The following SRCIN1 variants were observed in gnomAD, a reference collection of about 807,000 sequenced individuals.
SRCIN1 encodes SRC kinase signaling inhibitor 1, also known as P130Cas-associated protein.
SRCIN1 carries 50 observed loss-of-function variants against 116.2 expected under a neutral mutation model. The ratio of observed to expected loss-of-function variants is 0.43; its 90% CI spans 0.34 to 0.54. The LOEUF is 0.54. Among genes scored for constraint, SRCIN1 ranks in the 20% least tolerant of loss-of-function variants. SRCIN1 has a pLI of 0.02. For synonymous variants in SRCIN1, 736 were observed against 750.0 expected (o/e 0.98, Z 0.30); for missense variants, 1,446 against 1,672.0 (o/e 0.86, Z 2.36).
rs1430997338 is a variant in SRCIN1, at chr17:38,604,444, T to TC, written c.22+1239dup. ...CATTTGAGGAGGGGGGCTGGGAAGA[T>TC]CCCCCTCCTTGCATACTTCCCCGCG... On this transcript the variant is annotated intron_variant, in intron 1 of 18. Transcript: ENST00000617146. The surrounding 1 kb of genome is among the most constrained non-coding windows in gnomAD (Gnocchi z 4.3). 1 of 439,178 alleles carries TC rather than the reference T, an allele frequency of 2.3e-6. No homozygotes were observed. Among genetic ancestry groups the TC allele is most frequent in the Non-Finnish European group, 4.6e-6 (1 of 219,614 alleles). The allele number at this position is 439,178 out of a possible 1,614,324, so 27.2% of individuals were successfully genotyped here.
At chr17:38,553,170 T>A (rs919993100) in intron 11 of SRCIN1, among the ~76,000 whole-genome samples, 19 of 152,190 alleles carry the variant, frequency 1.2e-4, no homozygotes, top group Middle Eastern at 6.8e-3. Flanking sequence ...GCAGGGGGAA[T>A]CACTTGAGCC....
intron 11 of SRCIN1, among the ~76,000 whole-genome samples, chr17:38,557,630 A>C (rs962348627): frequency 6.6e-6 from 1 of 152,372 alleles, no homozygotes; most frequent in East Asian, 1.9e-4. Flanking sequence ...GGATCAGAAG[A>C]CTGTCTTCTG....
chr17:38,567,917 A>T (rs1567870016), intron 3 of SRCIN1, among the ~76,000 whole-genome samples: 1 of 152,154 alleles, frequency 6.6e-6, no homozygotes, highest in Non-Finnish European at 1.5e-5. Context: ...GGGAAAATGT[A>T]TGTCATTTCA....
In SRCIN1 at chr17:38,559,718, G is replaced by T; in HGVS notation, c.1892C>A (p.Pro631Gln). Residue 631 changes from proline to glutamine, a missense_variant, in exon 10 of 19, where the codon CCG becomes CAG. Coordinates refer to ENST00000617146, the MANE Select transcript of SRCIN1 (RefSeq NM_025248.3). ...TGCGGGGGTGCTGCTGGCCGAGGGC[G>T]GGGGCGGGCCGGACACCGGGGTGGC... ...SGATPVSGPP[P>Q]PSASSTPAGQ... 6.4e-7 allele frequency: 1 copy of T among 1,571,158 alleles called. No individual in the cohort carries two copies. Among genetic ancestry groups the T allele is most frequent in the East Asian group, 2.3e-5 (1 of 43,614 alleles).
rs551560414 is a variant in SRCIN1 at position 38,535,786 on chromosome 17, G to A, written c.3418-2355C>T. ...TTAAAGTTCTTTCCCCCAAAGCCAG[G>A]TGAGAGGGAAGCACTGCCCAGTTCC... is the stretch of plus-strand genomic sequence containing the variant. On this transcript the variant is annotated intron_variant, in intron 18 of 18. Transcript: ENST00000617146. 1.5e-3 allele frequency among the ~76,000 whole-genome samples: 224 copies of A among 152,276 alleles called. 1 individual carries two copies. Among genetic ancestry groups the A allele is most frequent in the African/African-American group, 5.2e-3 (216 of 41,546 alleles).
In SRCIN1 at chr17:38,578,798, G is replaced by C. The variant is rs1198985191; in HGVS notation, c.23-7C>G. 6.7e-7 allele frequency: 1 copy of C among 1,482,318 alleles called. No homozygotes were observed. Among genetic ancestry groups the C allele is most frequent in the East Asian group, 2.5e-5 (1 of 39,906 alleles). 91.8% of individuals were successfully genotyped at this position (1,482,318 alleles called of 1,614,324 possible). ...GGGCTGCTCCGCTCCGGATCTGCGA[G>C]AGGTGAGAGGGGCACGGCTGGGTCA... On this transcript the variant is annotated splice_region_variant and splice_polypyrimidine_tract_variant and intron_variant, in intron 1 of 18. Transcript: ENST00000617146.
At chr17:38,536,161 T>C (rs746090269) in intron 18 of SRCIN1, among the ~76,000 whole-genome samples, 16 of 152,174 alleles carry the variant, frequency 1.1e-4, no homozygotes, top group Non-Finnish European at 2.1e-4. Flanking sequence ...TTCTGCAACA[T>C]GTGCTTTCTA....
In SRCIN1 at chr17:38,578,715, G is replaced by GC. The variant is rs1387924625; in HGVS notation, c.98dup (p.Gly34ArgfsTer48). On this transcript the variant is annotated frameshift_variant, in exon 2 of 19. Transcript: ENST00000617146. LOFTEE classifies it high-confidence loss of function. ...GGCCCCCGCTGCCCCCGCCGCCCCC[G>GC]CCCCCCAGGGTCCGGTACTCCCGCG... The GC allele has an allele frequency of 9.8e-7, 1 of 1,021,098 alleles. No homozygotes were observed. The highest frequency in any genetic ancestry group is 1.4e-6 in the Non-Finnish European group (1 of 723,856). 63.3% of individuals were successfully genotyped at this position (1,021,098 alleles called of 1,614,324 possible). A position where few individuals can be genotyped will look rare whatever the true frequency, so the allele number is the denominator to read the frequency against.
At chr17:38,582,835 G>T (rs1028338298) in intron 1 of SRCIN1, among the ~76,000 whole-genome samples, 10 of 152,130 alleles carry the variant, frequency 6.6e-5, no homozygotes, top group African/African-American at 2.4e-4. Flanking sequence ...ACTTCTTTCT[G>T]CAGGGCCCCA....
intron 1 of SRCIN1, among the ~76,000 whole-genome samples, chr17:38,590,525 T>C (rs912981671): frequency 6.6e-6 from 1 of 152,218 alleles, no homozygotes. Flanking sequence ...CATGAGCCAC[T>C]GCACCCAGCC....
At chr17:38,547,048 AAAGAG>A (rs1426144530) in intron 17 of SRCIN1, among the ~76,000 whole-genome samples, 3 of 152,244 alleles carry the variant, frequency 2.0e-5, no homozygotes, top group Admixed American at 2.0e-4. Flanking sequence ...AGGAAAGAAT[AAAGAG>A]GAAATAAGTG....
chr17:38,551,453 A>G, intron 14 of SRCIN1, 64 bp from the exon 15 acceptor site: 1 of 1,403,736 alleles, frequency 7.1e-7, no homozygotes, highest in East Asian at 2.5e-5. Flanking sequence ...CTGGGGCCTC[A>G]GCCTCCTCCC....
At chr17:38,537,709 T>G (rs1449099974) in intron 18 of SRCIN1, among the ~76,000 whole-genome samples, 5 of 149,262 alleles carry the variant, frequency 3.3e-5, no homozygotes, top group Non-Finnish European at 7.4e-5. Flanking sequence ...GAGAATGGCG[T>G]GAACCCAGGA....
At chr17:38,561,426 C>A (rs1169761974) in intron 7 of SRCIN1, 37 bp downstream of exon 7, 4 of 1,468,126 alleles carry the variant, frequency 2.7e-6, no homozygotes. Context: ...GCGCACCCCC[C>A]ACCCCCAGTC....
chr17:38,591,406 C>A (rs1312760337), intron 1 of SRCIN1, among the ~76,000 whole-genome samples: 1 of 152,208 alleles, frequency 6.6e-6, no homozygotes, highest in African/African-American at 2.4e-5. Flanking sequence ...GCCCAGCCCC[C>A]CAGCCATCTG....
chr17:38,605,630 T>A, intron 1 of SRCIN1, 54 bp downstream of exon 1: 1 of 1,254,816 alleles, frequency 8.0e-7, no homozygotes, highest in Non-Finnish European at 1.0e-6. Flanking sequence ...AAAACAGAAA[T>A]ACCTTCCACT....
Position 38,531,998 on chromosome 17 carries a change from G to C in SRCIN1, c.*1299C>G, listed in dbSNP as rs2040929627. 6.6e-6 allele frequency: 1 copy of C among 152,572 alleles called. No homozygotes were observed. The highest frequency in any genetic ancestry group is 1.5e-5 in the Non-Finnish European group (1 of 68,084). 9.5% of individuals were successfully genotyped at this position (152,572 alleles called of 1,614,324 possible). A position where few individuals can be genotyped will look rare whatever the true frequency, so the allele number is the denominator to read the frequency against. On this transcript the variant is annotated 3_prime_UTR_variant, in exon 19 of 19. Transcript: ENST00000617146. Reference sequence around the variant, plus strand: ...CTCACTGTGCCCTCTGGGGGGCCAGGAGTGAGAACCAAAATTGGCCTCTCT... The same window carrying C: ...CTCACTGTGCCCTCTGGGGGGCCAGCAGTGAGAACCAAAATTGGCCTCTCT...
intron 11 of SRCIN1, among the ~76,000 whole-genome samples, chr17:38,557,088 TGG>T (rs1434905653): frequency 6.6e-6 from 1 of 152,126 alleles, no homozygotes; most frequent in Non-Finnish European, 1.5e-5. Context: ...AGTGATGGGG[TGG>T]CCCCTTACCC....
chr17:38,558,519 A>G lies in SRCIN1; in HGVS notation c.2026-117T>C. ...AATCCAGGGCGGGGCTCTGCAGAAG[A>G]AGCGGCTGCTTGGCTCCGCCTCAGG... On this transcript the variant is annotated intron_variant, in intron 10 of 18. Transcript: ENST00000617146. This position sits in a 1 kb window ranked among gnomAD's most constrained non-coding sequence, Gnocchi z 4.6. 1 of 1,266,990 alleles carries G rather than the reference A, an allele frequency of 7.9e-7. No homozygotes were observed. The highest frequency in any genetic ancestry group is 1.1e-6 in the Non-Finnish European group (1 of 940,946). 78.5% of individuals were successfully genotyped at this position (1,266,990 alleles called of 1,614,324 possible).
Sources: gnomAD v4.1 joint callset for allele counts (sites outside exome capture counted in the v4.1 genomes callset) on GRCh38, gnomAD v4.1.1 for gene constraint, Gnocchi (gnomAD v3.1) non-coding constraint, MANE v1.5 for transcripts, NCBI Gene and HGNC (gene_info 2026-07-23, HGNC 2026-07-21) for gene names.